The following LRRC49 variants were observed in gnomAD, a reference collection of about 807,000 sequenced individuals.
LRRC49 encodes the protein leucine rich repeat containing 49.
In LRRC49, 50 loss-of-function variants were observed where a neutral mutation model predicts 83.3. The observed-to-expected ratio is 0.60, with a 90% CI of 0.48 to 0.76. The LOEUF (loss-of-function observed/expected upper bound fraction) is 0.76. Among genes scored for constraint, LRRC49 ranks in the 30% least tolerant of loss-of-function variants. The pLI, the probability that LRRC49 is intolerant of heterozygous loss-of-function variation, is 0.00. For missense variants in LRRC49, 704 were observed against 809.1 expected (o/e 0.87, Z 1.58); for synonymous variants, 286 against 283.3 (o/e 1.01, Z -0.10).
At chr15:71,038,351 T>C (rs951159066) in intron 15 of LRRC49, among the ~76,000 whole-genome samples, 4 of 152,154 alleles carry the variant, frequency 2.6e-5, no homozygotes, top group African/African-American at 9.7e-5. Flanking sequence ...GACCTCTTTA[T>C]TCAAACCACC....
At chr15:70,904,531 A>G (rs1039443670) in intron 4 of LRRC49, 21 bp from the exon 5 acceptor site, 1 of 1,551,018 alleles carries the variant, frequency 6.4e-7, no homozygotes. Flanking sequence ...AACCTAATTA[A>G]CTTTTTAACA....
chr15:70,898,421 T>C, intron 3 of LRRC49: 2 of 702,152 alleles, frequency 2.8e-6, no homozygotes, highest in South Asian at 1.5e-5. Context: ...AAGGAGCTTG[T>C]AGATTTATTT....
At chr15:70,991,771 T>G (rs1199201077) in intron 11 of LRRC49, among the ~76,000 whole-genome samples, 2 of 152,262 alleles carry the variant, frequency 1.3e-5, no homozygotes, top group Non-Finnish European at 2.9e-5. Context: ...AACTAAACTC[T>G]GAAACACCTT....
intron 8 of LRRC49, among the ~76,000 whole-genome samples, chr15:70,952,927 C>T (rs1386136709): frequency 2.0e-5 from 3 of 152,014 alleles, no homozygotes; most frequent in Non-Finnish European, 4.4e-5. Context: ...TGGTTTAAAG[C>T]CTGTTTTATC....
At chr15:71,008,842 G>T (rs1163291881) in intron 12 of LRRC49, among the ~76,000 whole-genome samples, 1 of 151,708 alleles carries the variant, frequency 6.6e-6, no homozygotes, top group Non-Finnish European at 1.5e-5. Flanking sequence ...ATCCTTTGTG[G>T]AGTAGAAAAA....
intron 15 of LRRC49, among the ~76,000 whole-genome samples, chr15:71,044,096 A>G (rs1456419363): frequency 2.6e-5 from 4 of 152,188 alleles, no homozygotes; most frequent in Non-Finnish European, 5.9e-5. Context: ...AGGAGTTCCT[A>G]TGTAGTCCAG....
chr15:70,857,226 T>C (rs2032675496), intron 1 of LRRC49, among the ~76,000 whole-genome samples: 1 of 152,174 alleles, frequency 6.6e-6, no homozygotes, highest in African/African-American at 2.4e-5. Context: ...AGAAGACCTT[T>C]CCAGTATATA....
intron 2 of LRRC49, among the ~76,000 whole-genome samples, chr15:70,878,374 A>C (rs902136643): frequency 6.6e-6 from 1 of 152,228 alleles, no homozygotes; most frequent in Middle Eastern, 3.2e-3. Flanking sequence ...AAAAAAGGAC[A>C]ACCTTATTTC....
intron 9 of LRRC49, among the ~76,000 whole-genome samples, chr15:70,965,018 C>A (rs1259543489): frequency 6.6e-6 from 1 of 152,154 alleles, no homozygotes; most frequent in Non-Finnish European, 1.5e-5. Flanking sequence ...GCCTCTCTCT[C>A]TATTCCATGG....
At chr15:70,869,969 T>A (rs987434498) in intron 1 of LRRC49, among the ~76,000 whole-genome samples, 1 of 151,942 alleles carries the variant, frequency 6.6e-6, no homozygotes, top group African/African-American at 2.4e-5. Context: ...AAAAAAAAAA[T>A]TATTTAGTGC....
intron 11 of LRRC49, among the ~76,000 whole-genome samples, chr15:70,995,896 A>C (rs1355092450): frequency 6.6e-6 from 1 of 152,200 alleles, no homozygotes; most frequent in Non-Finnish European, 1.5e-5. Flanking sequence ...TAGGAGTTCC[A>C]CAAAGTCGTT....
At chr15:71,036,923 A>G (rs2039537576) in intron 14 of LRRC49, among the ~76,000 whole-genome samples, 1 of 151,892 alleles carries the variant, frequency 6.6e-6, no homozygotes, top group African/African-American at 2.4e-5. Flanking sequence ...ATTAAAGGAG[A>G]GTTTTTTCAT....
intron 8 of LRRC49, among the ~76,000 whole-genome samples, chr15:70,944,301 G>A (rs1325014624): frequency 1.3e-5 from 2 of 152,106 alleles, no homozygotes; most frequent in Non-Finnish European, 2.9e-5. Context: ...AAAGTCAAAG[G>A]TGTTTTGGCC....
Position 71,009,891 on chromosome 15 carries a change from A to G in LRRC49, c.1492A>G (p.Ile498Val), listed in dbSNP as rs140629120. Residue 498 changes from isoleucine to valine, a missense_variant, in exon 13 of 16, where the codon ATT becomes GTT. Physicochemically the swap from Ile to Val is conservative, Grantham distance 29. Coordinates refer to ENST00000260382, the MANE Select transcript of LRRC49 (RefSeq NM_017691.5). ...ACTCCGTCGTATTGACCAGTTGACA[A>G]TTGATCCTCAAGGAAATCCAGTTGT... Reference protein sequence around the residue: ...AQLRRIDQLTIDPQGNPVVNF... With the variant: ...AQLRRIDQLTVDPQGNPVVNF... 13 of 1,612,320 alleles carry G rather than the reference A, an allele frequency of 8.1e-6. No individual in the cohort carries two copies. The African/African-American group carries it at 9.3e-5, about 12-fold the overall frequency.
intron 11 of LRRC49, among the ~76,000 whole-genome samples, chr15:70,986,070 TGCCTCCA>T (rs2037603411): frequency 2.6e-5 from 4 of 151,854 alleles, no homozygotes; most frequent in Non-Finnish European, 5.9e-5. Flanking sequence ...GGTAGCGTGA[TGCCTCCA>T]GCTTTGTTCT....
chr15:70,854,008 G>C (rs2032573429), intron 1 of LRRC49: 10 of 1,458,918 alleles, frequency 6.9e-6, no homozygotes, highest in South Asian at 1.3e-5. Flanking sequence ...ACTCGTCCAC[G>C]TCCTCGGCCT....
At chr15:70,857,726 A>G (rs2032687154) in intron 1 of LRRC49, among the ~76,000 whole-genome samples, 1 of 152,184 alleles carries the variant, frequency 6.6e-6, no homozygotes, top group Non-Finnish European at 1.5e-5. Context: ...ACAGAAATCC[A>G]TATAGGGAGG....
chr15:70,937,228 G>A (rs2035630542), intron 8 of LRRC49, among the ~76,000 whole-genome samples: 1 of 152,134 alleles, frequency 6.6e-6, no homozygotes, highest in African/African-American at 2.4e-5. Flanking sequence ...ATTTGTCACT[G>A]AGCCACTTGC....
intron 3 of LRRC49, chr15:70,900,577 T>C (rs1351314126): frequency 4.4e-6 from 2 of 458,292 alleles, no homozygotes; most frequent in Non-Finnish European, 4.4e-6. Flanking sequence ...GGCCCAAATA[T>C]ATCTGGTAAT....
Sources: allele counts gnomAD v4.1 joint callset (sites outside exome capture counted in the v4.1 genomes callset), GRCh38; gene constraint gnomAD v4.1.1; transcripts MANE v1.5; gene names NCBI Gene and HGNC (gene_info 2026-07-23, HGNC 2026-07-21).